SKAP1: variants seen among roughly 807,000 people sequenced by gnomAD.
SKAP1 encodes the protein src kinase-associated phosphoprotein 1.
In SKAP1, 44 loss-of-function variants were observed where a neutral mutation model predicts 58.5. That is an observed-to-expected ratio of 0.75 (90% CI 0.59 to 0.97). The LOEUF (loss-of-function observed/expected upper bound fraction) is 0.97. Ranked by LOEUF, SKAP1 falls within the 50% of genes least tolerant of loss-of-function variation. The pLI is 0.00. For synonymous variants in SKAP1, 127 were observed against 149.7 expected (o/e 0.85, Z 1.11); for missense variants, 390 against 435.2 (o/e 0.90, Z 0.92).
At chr17:48,266,510 T>G (rs983883888) in intron 4 of SKAP1, among the ~76,000 whole-genome samples, 1 of 149,280 alleles carries the variant, frequency 6.7e-6, no homozygotes, top group African/African-American at 2.5e-5. Context: ...CTTTTCTTAC[T>G]TTCTTTTTTT....
intron 1 of SKAP1, among the ~76,000 whole-genome samples, chr17:48,404,309 G>A (rs752626987): frequency 2.0e-5 from 3 of 151,508 alleles, no homozygotes; most frequent in East Asian, 2.0e-4. Flanking sequence ...AAAATTAGCC[G>A]GGCGTAGTGG....
At chr17:48,408,547 A>G (rs2067619170) in intron 1 of SKAP1, among the ~76,000 whole-genome samples, 1 of 152,198 alleles carries the variant, frequency 6.6e-6, no homozygotes, top group African/African-American at 2.4e-5. Flanking sequence ...AGTCCTATAT[A>G]AAATACTAGT....
chr17:48,163,997 C>A (rs1282840367), intron 10 of SKAP1, among the ~76,000 whole-genome samples: 2 of 152,090 alleles, frequency 1.3e-5, no homozygotes. Context: ...TCTGTGTGTG[C>A]AGTAGACAAC....
intron 3 of SKAP1, among the ~76,000 whole-genome samples, chr17:48,349,274 A>C (rs1297766860): frequency 6.6e-6 from 1 of 152,234 alleles, no homozygotes; most frequent in East Asian, 1.9e-4. Flanking sequence ...TGCAGTTCTA[A>C]ATGGCCACAA....
chr17:48,370,825 C>T (rs529597582), intron 2 of SKAP1, among the ~76,000 whole-genome samples: 83 of 152,140 alleles, frequency 5.5e-4, no homozygotes, highest in Non-Finnish European at 1.1e-3. Context: ...GACATATGCA[C>T]TTGTAGGTTC....
intron 4 of SKAP1, among the ~76,000 whole-genome samples, chr17:48,211,300 A>G (rs2064870257): frequency 6.6e-6 from 1 of 152,132 alleles, no homozygotes; most frequent in African/African-American, 2.4e-5. Flanking sequence ...TTTTTTTAAT[A>G]GAAGTTATGA....
At chr17:48,222,929 A>T (rs1280921453) in intron 4 of SKAP1, among the ~76,000 whole-genome samples, 2 of 150,322 alleles carry the variant, frequency 1.3e-5, no homozygotes, top group African/African-American at 4.9e-5. Context: ...CTGGGCGTGG[A>T]GGTGAGTGCC....
chr17:48,177,615 G>A (rs144346945), intron 9 of SKAP1, among the ~76,000 whole-genome samples: 183 of 152,168 alleles, frequency 1.2e-3, no homozygotes, highest in African/African-American at 4.3e-3. Flanking sequence ...CAGCAGAAAG[G>A]AGACAGTGTT....
intron 4 of SKAP1, among the ~76,000 whole-genome samples, chr17:48,196,286 A>G (rs1246520383): frequency 6.6e-6 from 1 of 152,224 alleles, no homozygotes; most frequent in African/African-American, 2.4e-5. Flanking sequence ...TTTTTGGAAG[A>G]AGAAACAGGC....
intron 4 of SKAP1, among the ~76,000 whole-genome samples, chr17:48,281,778 T>A (rs955030306): frequency 6.6e-6 from 1 of 152,060 alleles, no homozygotes; most frequent in Non-Finnish European, 1.5e-5. Flanking sequence ...AGAAAATATA[T>A]GCCATTAGGC....
intron 1 of SKAP1, among the ~76,000 whole-genome samples, chr17:48,409,102 A>G (rs1317290424): frequency 1.3e-5 from 2 of 152,192 alleles, no homozygotes; most frequent in Non-Finnish European, 2.9e-5. Flanking sequence ...CTGCTGTTCC[A>G]TTTTCTGGGT....
intron 4 of SKAP1, among the ~76,000 whole-genome samples, chr17:48,338,677 G>A (rs1396114118): frequency 6.6e-6 from 1 of 152,132 alleles, no homozygotes; most frequent in Non-Finnish European, 1.5e-5. Context: ...TGAAAAGTTA[G>A]AGTTTAAACA....
intron 3 of SKAP1, among the ~76,000 whole-genome samples, chr17:48,351,534 A>G (rs1363439507): frequency 1.3e-5 from 2 of 152,150 alleles, no homozygotes; most frequent in Non-Finnish European, 2.9e-5. Flanking sequence ...GAATGTCATT[A>G]AGTCTACAGA....
At chr17:48,410,275 A>G (rs1015741531) in intron 1 of SKAP1, among the ~76,000 whole-genome samples, 8 of 152,208 alleles carry the variant, frequency 5.3e-5, no homozygotes, top group African/African-American at 1.7e-4. Flanking sequence ...ATGAATTAGA[A>G]TTGGAGACAT....
chr17:48,161,304 A>G (rs1377657568), intron 11 of SKAP1, among the ~76,000 whole-genome samples: 1 of 152,270 alleles, frequency 6.6e-6, no homozygotes. Flanking sequence ...ACGGGTTTTC[A>G]GTTTTCCCTT....
At chr17:48,386,919 G>C (rs1345340122) in intron 2 of SKAP1, among the ~76,000 whole-genome samples, 2 of 152,224 alleles carry the variant, frequency 1.3e-5, no homozygotes, top group African/African-American at 4.8e-5. Flanking sequence ...ACTGAGAACA[G>C]CAATTAATTC....
At chr17:48,382,802 T>C (rs963913022) in intron 2 of SKAP1, among the ~76,000 whole-genome samples, 4 of 152,204 alleles carry the variant, frequency 2.6e-5, no homozygotes, top group Admixed American at 6.5e-5. Context: ...CTAGTACACA[T>C]GACTGAACAA....
At chr17:48,156,023 A>G (rs67275838) in intron 11 of SKAP1, among the ~76,000 whole-genome samples, 5,775 of 152,184 alleles carry the variant, frequency 0.038, 128 homozygotes, top group East Asian at 0.054. Context: ...TTTGGAGTAC[A>G]CCTGTTGTTG....
rs1280686902 is a variant in SKAP1, at chr17:48,157,763, G to A, written c.978+4706C>T. Among the ~76,000 whole-genome samples the A allele has an allele frequency of 5.7e-4, 83 of 145,900 alleles. No individual in the cohort carries two copies. The Middle Eastern group carries it at 0.012, about 22-fold the overall frequency. On this transcript the variant is annotated intron_variant, in intron 11 of 12. Coordinates refer to ENST00000336915, the MANE Select transcript of SKAP1 (RefSeq NM_003726.4). ...AGGCTGGTCTCGAACTCCTGACCTCGGGTGATCTGCCAGCCTCGGCCTCCC... is the reference window on the plus strand; with the variant it reads ...AGGCTGGTCTCGAACTCCTGACCTCAGGTGATCTGCCAGCCTCGGCCTCCC...
Sources: gnomAD v4.1 joint callset for allele counts (sites outside exome capture counted in the v4.1 genomes callset) on GRCh38, gnomAD v4.1.1 for gene constraint, MANE v1.5 for transcripts, NCBI Gene and HGNC (gene_info 2026-07-23, HGNC 2026-07-21) for gene names.